The following GPHN variants were observed in gnomAD, a reference collection of about 807,000 sequenced individuals.
The protein encoded by GPHN is gephyrin.
A neutral mutation model predicts 95.5 loss-of-function variants in GPHN; 17 were observed. The ratio of observed to expected loss-of-function variants is 0.18; its 90% CI spans 0.12 to 0.27. The LOEUF is 0.27. Among genes scored for constraint, GPHN ranks in the 10% least tolerant of loss-of-function variants. The pLI is 1.00. For synonymous variants in GPHN, 320 were observed against 322.5 expected, an observed-to-expected ratio of 0.99 and a Z score of 0.08; for missense variants, 660 against 978.1, an observed-to-expected ratio of 0.67 and a Z score of 4.34.
At chr14:66,958,419 A>C (rs1177505025) in intron 8 of GPHN, among the ~76,000 whole-genome samples, 2 of 152,160 alleles carry the variant, frequency 1.3e-5, no homozygotes, top group African/African-American at 2.4e-5. Flanking sequence ...ATCATACTCC[A>C]CTTAACAACA....
At chr14:66,579,153 A>G (rs999654926) in intron 1 of GPHN, among the ~76,000 whole-genome samples, 2 of 151,902 alleles carry the variant, frequency 1.3e-5, no homozygotes, top group Admixed American at 1.3e-4. Flanking sequence ...CAACCGTAAT[A>G]TGTTTTATGT....
the GPHN span, among the ~76,000 whole-genome samples, chr14:67,357,703 T>A: frequency 6.6e-6 from 1 of 152,174 alleles, no homozygotes; most frequent in Non-Finnish European, 1.5e-5. Flanking sequence ...AGCTCAATTC[T>A]CATTTGTGCA....
At chr14:67,592,395 G>A in the GPHN span, 20 of 485,570 alleles carry the variant, frequency 4.1e-5, no homozygotes, top group Admixed American at 7.0e-4. Flanking sequence ...AGTGGTGATT[G>A]TCACTGCACT....
the GPHN span, among the ~76,000 whole-genome samples, chr14:67,298,018 G>A: frequency 0.15 from 23,493 of 152,054 alleles, 3,427 homozygotes; most frequent in East Asian, 0.42. Context: ...AGCATGGTTT[G>A]TGCAGGGAAC....
At chr14:66,860,878 A>C (rs1205624434) in intron 4 of GPHN, among the ~76,000 whole-genome samples, 1 of 152,058 alleles carries the variant, frequency 6.6e-6, no homozygotes, top group Non-Finnish European at 1.5e-5. Flanking sequence ...AAAAACCTAC[A>C]ATAGCTACAA....
chr14:66,649,092 G>T (rs1167410464), intron 1 of GPHN, among the ~76,000 whole-genome samples: 2 of 152,216 alleles, frequency 1.3e-5, no homozygotes, highest in African/African-American at 2.4e-5. Flanking sequence ...AGCACTTTGG[G>T]AGGCCGAGGC....
At chr14:67,211,067 ATC>A in the GPHN span, among the ~76,000 whole-genome samples, 1 of 152,288 alleles carries the variant, frequency 6.6e-6, no homozygotes, top group East Asian at 1.9e-4. Flanking sequence ...TGGCTTCTCT[ATC>A]TCATTAGCTC....
intron 2 of GPHN, among the ~76,000 whole-genome samples, chr14:66,762,091 G>T (rs1001001750): frequency 1.3e-5 from 2 of 150,678 alleles, no homozygotes; most frequent in African/African-American, 4.9e-5. Context: ...TTATGGGTAC[G>T]CCATCTGTTC....
At chr14:67,649,276 C>G in the GPHN span, 2 of 152,132 alleles carry the variant, frequency 1.3e-5, no homozygotes, top group African/African-American at 4.8e-5. Context: ...AATCCCAGTA[C>G]TCTGGGAGGC....
the GPHN span, among the ~76,000 whole-genome samples, chr14:67,344,896 CA>C: frequency 6.7e-5 from 10 of 148,870 alleles, no homozygotes; most frequent in Non-Finnish European, 1.5e-4. Context: ...AAAAAACAAA[CA>C]AACAAACAAA....
At chr14:67,254,032 C>A in the GPHN span, among the ~76,000 whole-genome samples, 8 of 142,538 alleles carry the variant, frequency 5.6e-5, no homozygotes, top group South Asian at 1.4e-3. Flanking sequence ...TCATCCCCCC[C>A]CCCTTACAAG....
At chr14:67,430,706 C>T in the GPHN span, among the ~76,000 whole-genome samples, 29 of 151,926 alleles carry the variant, frequency 1.9e-4, no homozygotes, top group Non-Finnish European at 3.7e-4. Flanking sequence ...CAGGCGCTGC[C>T]CCAGGACATT....
the GPHN span, among the ~76,000 whole-genome samples, chr14:67,578,877 C>T: frequency 1.3e-5 from 2 of 152,248 alleles, no homozygotes; most frequent in Admixed American, 6.5e-5. This position sits in a 1 kb window ranked among gnomAD's most constrained non-coding sequence, Gnocchi z 5.0. Context: ...CATGAAGCCA[C>T]ACTGCTCCCA....
intron 9 of GPHN, among the ~76,000 whole-genome samples, chr14:66,990,006 G>A (rs1378432379): frequency 2.6e-5 from 4 of 152,078 alleles, no homozygotes; most frequent in Non-Finnish European, 4.4e-5. Context: ...ACCTGAGACT[G>A]GGTAATTTAT....
At chr14:67,076,711 C>G (rs2153660509) in intron 11 of GPHN, among the ~76,000 whole-genome samples, 1 of 152,278 alleles carries the variant, frequency 6.6e-6, no homozygotes, top group Non-Finnish European at 1.5e-5. Context: ...AGCATCAATG[C>G]CGTTACAATG....
the GPHN span, among the ~76,000 whole-genome samples, chr14:67,681,715 G>A: frequency 6.6e-6 from 1 of 152,272 alleles, no homozygotes; most frequent in African/African-American, 2.4e-5. Flanking sequence ...CCAGGAGGCG[G>A]AGGTTGCAGT....
chr14:67,410,351 C>A, the GPHN span, among the ~76,000 whole-genome samples: 2 of 152,186 alleles, frequency 1.3e-5, no homozygotes, highest in Non-Finnish European at 2.9e-5. Context: ...CCAGCTATAT[C>A]AACAGTGCCA....
intron 11 of GPHN, among the ~76,000 whole-genome samples, chr14:67,088,733 A>T (rs548979175): frequency 6.6e-6 from 1 of 152,232 alleles, no homozygotes; most frequent in Non-Finnish European, 1.5e-5. Context: ...CACATCTTTG[A>T]TTACTGTATA....
At chr14:67,616,050 G>A in the GPHN span, 3 of 303,864 alleles carry the variant, frequency 9.9e-6, no homozygotes, top group Non-Finnish European at 2.0e-5. Flanking sequence ...GGAAGAAGAG[G>A]GAGAGAATGA....
Sources: allele counts gnomAD v4.1 joint callset (sites outside exome capture counted in the v4.1 genomes callset), GRCh38; gene constraint gnomAD v4.1.1; non-coding constraint Gnocchi (gnomAD v3.1); transcripts MANE v1.5; gene names NCBI Gene and HGNC (gene_info 2026-07-23, HGNC 2026-07-21).